KIFBP: variants seen among roughly 807,000 people sequenced by gnomAD.
KIFBP encodes KIF-binding protein.
In KIFBP, 46 loss-of-function variants were observed where a neutral mutation model predicts 58.9. The observed-to-expected ratio is 0.78, with a 90% confidence interval of 0.62 to 1.00. The LOEUF (loss-of-function observed/expected upper bound fraction) is 1.00. Among genes scored for constraint, KIFBP ranks in the 50% least tolerant of loss-of-function variants. The pLI is 0.00. For missense variants in KIFBP, 651 were observed against 752.9 expected (o/e 0.86, Z 1.58); for synonymous variants, 241 against 283.4 (o/e 0.85, Z 1.50).
At chr10:69,000,320 C>T (rs1438192137) in intron 1 of KIFBP, 104 bp from the exon 2 acceptor site, 12 of 766,308 alleles carry the variant, frequency 1.6e-5, no homozygotes, top group Non-Finnish European at 2.8e-5. Flanking sequence ...GGTAATCCAA[C>T]TCTACTATTT....
intron 4 of KIFBP, among the ~76,000 whole-genome samples, chr10:69,008,391 A>AAAAAAAAATATAT: frequency 1.7e-4 from 12 of 71,590 alleles, no homozygotes; most frequent in African/African-American, 8.5e-4. Context: ...AAAAAAAAAA[A>AAAAAAAAATATAT]ATATATATAT....
chr10:69,006,623 A>C (rs570502887), intron 4 of KIFBP, among the ~76,000 whole-genome samples: 43 of 152,308 alleles, frequency 2.8e-4, no homozygotes, highest in South Asian at 1.0e-3. Flanking sequence ...AGATTTTCCT[A>C]TTAATCCTTA....
intron 6 of KIFBP, 155 bp downstream of exon 6, chr10:69,011,170 T>C (rs1430605210): frequency 1.5e-6 from 1 of 657,264 alleles, no homozygotes; most frequent in African/African-American, 1.8e-5. Context: ...TTTTAAATCG[T>C]ATTCTTCGAA....
rs1005796014 is a variant in KIFBP at position 69,016,744 on chromosome 10, T to C, written c.*328T>C. 1 of 234,544 alleles carries C rather than the reference T, an allele frequency of 4.3e-6. No individual in the cohort carries two copies. Among genetic ancestry groups the C allele is most frequent in the Non-Finnish European group, 8.3e-6 (1 of 119,766 alleles). 14.5% of individuals were successfully genotyped at this position (234,544 alleles called of 1,614,324 possible). A position where few individuals can be genotyped will look rare whatever the true frequency, so the allele number is the denominator to read the frequency against. Reference sequence around the variant, plus strand: ...TTGATAGATTCCTTGTAAGAAAAAATGCTGGGTAATGTACCTGGTAACAAG... The same window carrying C: ...TTGATAGATTCCTTGTAAGAAAAAACGCTGGGTAATGTACCTGGTAACAAG... On this transcript the variant is annotated 3_prime_UTR_variant, in exon 7 of 7. Coordinates refer to ENST00000361983, the MANE Select transcript of KIFBP (RefSeq NM_015634.4).
At chr10:69,011,286 A>C in intron 6 of KIFBP, 2 of 327,024 alleles carry the variant, frequency 6.1e-6, no homozygotes, top group South Asian at 3.3e-5. Context: ...AAATAAATAA[A>C]ATAAATCTTA....
chr10:69,015,613 G>A lies in KIFBP; in HGVS notation c.1063G>A (p.Glu355Lys). The A allele has an allele frequency of 1.9e-6, 3 of 1,613,870 alleles. No homozygotes were observed. Among genetic ancestry groups the A allele is most frequent in the Non-Finnish European group, 1.7e-6 (2 of 1,179,920 alleles). Residue 355 changes from glutamate to lysine, a missense_variant, in exon 7 of 7, where the codon GAG (glutamate) becomes AAG (lysine). Transcript: ENST00000361983. ...TTTAAGGAAAAAAGAACTAGATGAGGAGGAAAGCATTCGGAAAAAAGCTGT... is the reference window on the plus strand; with the variant it reads ...TTTAAGGAAAAAAGAACTAGATGAGAAGGAAAGCATTCGGAAAAAAGCTGT... ...RALRKKELDE[E>K]ESIRKKAVQF...
chr10:69,015,232 AAG>A (rs1302779742), intron 6 of KIFBP: 4 of 310,148 alleles, frequency 1.3e-5, no homozygotes, highest in African/African-American at 8.8e-5. Context: ...ACAATTCTCA[AAG>A]TACTTTTACA....
In KIFBP at chr10:69,015,577, G is replaced by C; in HGVS notation, c.1027G>C (p.Glu343Gln). 6.2e-7 allele frequency: 1 copy of C among 1,613,488 alleles called. No individual in the cohort carries two copies. The highest frequency in any genetic ancestry group is 8.5e-7 in the Non-Finnish European group (1 of 1,179,908). The change falls in exon 7 of 7, where the codon GAA becomes CAA. Residue 343 changes from glutamate (E) to glutamine (Q), a missense_variant. By Grantham distance (29) the Glu-to-Gln change is conservative. Coordinates refer to ENST00000361983, the MANE Select transcript of KIFBP (RefSeq NM_015634.4). ...AGAGCTTGATCTTGATAAACAGTCT[G>C]AACTTAGAGCTTTAAGGAAAAAAGA... Reference protein sequence around the residue: ...IGELDLDKQSELRALRKKELD... With the variant: ...IGELDLDKQSQLRALRKKELD...
At chr10:69,011,606 A>G (rs1403804595) in intron 6 of KIFBP, among the ~76,000 whole-genome samples, 1 of 139,980 alleles carries the variant, frequency 7.1e-6, no homozygotes. Flanking sequence ...CTGGTCTTGA[A>G]CTCCTGGGCT....
In KIFBP at chr10:68,988,930, A is replaced by G; in HGVS notation, c.98A>G (p.Tyr33Cys). Residue 33 changes from tyrosine (Y) to cysteine (C), a missense_variant, in exon 1 of 7, where the codon TAC becomes TGC. By Grantham distance (194) the Tyr-to-Cys change is radical (BLOSUM62 -2). Transcript: ENST00000361983. The part of the protein sequence containing the change: ...ELHKNPEKEP[Y>C]KSKYSARALL... ...CATAAAAATCCGGAGAAGGAACCAT[A>G]CAAGTCCAAATACAGCGCCCGGGCG... The G allele has an allele frequency of 6.2e-7, 1 of 1,614,232 alleles. No homozygotes were observed. Among genetic ancestry groups the G allele is most frequent in the Non-Finnish European group, 8.5e-7 (1 of 1,180,036 alleles).
At chr10:69,005,014 C>T (rs755021020) in intron 2 of KIFBP, 32 bp from the exon 3 acceptor site, 2 of 1,554,582 alleles carry the variant, frequency 1.3e-6, no homozygotes, top group African/African-American at 1.4e-5. Flanking sequence ...CAGTTTAAAA[C>T]TTTAAAGAGC....
intron 1 of KIFBP, 144 bp downstream of exon 1, chr10:68,989,402 C>G (rs1843316365): frequency 2.2e-6 from 2 of 901,612 alleles, no homozygotes; most frequent in Admixed American, 2.4e-5. Flanking sequence ...CAAAGAGCGT[C>G]TGTGGTCTTC....
chr10:68,997,666 C>T (rs1843421116), intron 1 of KIFBP, among the ~76,000 whole-genome samples: 1 of 151,814 alleles, frequency 6.6e-6, no homozygotes, highest in Non-Finnish European at 1.5e-5. Flanking sequence ...TTCCTAATAA[C>T]TTACTGATTG....
intron 6 of KIFBP, chr10:69,011,216 G>A (rs1224644588): frequency 1.8e-5 from 10 of 540,888 alleles, no homozygotes; most frequent in African/African-American, 3.8e-5. Flanking sequence ...TGCGTGAGCC[G>A]AGATTGGACC....
At chr10:69,015,316 C>A in intron 6 of KIFBP, 1 of 503,400 alleles carries the variant, frequency 2.0e-6, no homozygotes, top group Non-Finnish European at 3.5e-6. Context: ...GATATGTAAG[C>A]AGCTTGTCTA....
chr10:68,997,143 T>C (rs1489500624), intron 1 of KIFBP, among the ~76,000 whole-genome samples: 2 of 152,196 alleles, frequency 1.3e-5, no homozygotes, highest in Non-Finnish European at 2.9e-5. Flanking sequence ...ACTGATAATG[T>C]TTTGAGATTG....
intron 2 of KIFBP, among the ~76,000 whole-genome samples, chr10:69,001,655 G>A (rs921193587): frequency 6.6e-6 from 1 of 152,074 alleles, no homozygotes; most frequent in Non-Finnish European, 1.5e-5. Flanking sequence ...AGGAGACTGA[G>A]GCAGGAGAAT....
intron 2 of KIFBP, among the ~76,000 whole-genome samples, chr10:69,003,390 T>C (rs1347587653): frequency 1.3e-5 from 2 of 152,196 alleles, no homozygotes; most frequent in Middle Eastern, 3.2e-3. Context: ...ATGTGAATCC[T>C]GGGAGCCCAC....
chr10:69,005,064 G>T lies in KIFBP; in HGVS notation c.544G>T (p.Asp182Tyr), dbSNP rs1843516686. Residue 182 changes from aspartate (D) to tyrosine (Y), a missense_variant, in exon 3 of 7, where the codon GAT (aspartate) becomes TAT (tyrosine). Asp to Tyr is a radical substitution (Grantham distance 160). Coordinates refer to ENST00000361983, the MANE Select transcript of KIFBP (RefSeq NM_015634.4). The part of the protein sequence containing the change: ...YMKEVGSPPL[D>Y]PTERFLPEEE... ...ATTGTAGGTTGGGAGTCCTCCTCTTGATCCTACTGAGCGTTTTCTTCCTGA... is the reference window on the plus strand; with the variant it reads ...ATTGTAGGTTGGGAGTCCTCCTCTTTATCCTACTGAGCGTTTTCTTCCTGA... 1.2e-6 allele frequency: 2 copies of T among 1,613,512 alleles called. No individual in the cohort carries two copies. Among genetic ancestry groups the T allele is most frequent in the East Asian group, 4.5e-5 (2 of 44,840 alleles).
Sources: gnomAD v4.1 joint callset for allele counts (sites outside exome capture counted in the v4.1 genomes callset) on GRCh38, gnomAD v4.1.1 for gene constraint, MANE v1.5 for transcripts, NCBI Gene and HGNC (gene_info 2026-07-23, HGNC 2026-07-21) for gene names.